DENND2A: variants seen among roughly 807,000 people sequenced by gnomAD.
The protein encoded by DENND2A is DENN domain-containing protein 2A.
In DENND2A, 53 loss-of-function variants were observed where a neutral mutation model predicts 105.3. The observed-to-expected ratio is 0.50, with a 90% CI of 0.40 to 0.63. The LOEUF is 0.63. Ranked by LOEUF, DENND2A falls within the 30% of genes least tolerant of loss-of-function variation. The pLI is 0.00. For missense variants in DENND2A, 1,138 were observed against 1,279.6 expected, an observed-to-expected ratio of 0.89 and a Z score of 1.69; for synonymous variants, 522 against 508.4, an observed-to-expected ratio of 1.03 and a Z score of -0.36.
intron 9 of DENND2A, among the ~76,000 whole-genome samples, chr7:140,563,080 A>T (rs1363079214): frequency 6.6e-6 from 1 of 152,236 alleles, no homozygotes; most frequent in Non-Finnish European, 1.5e-5. Context: ...AATTATAAAG[A>T]AGACCAAAGA....
chr7:140,544,865 G>GGT (rs139394260), intron 13 of DENND2A, 99 bp from the exon 14 acceptor site: 123,525 of 1,509,150 alleles, frequency 0.082, 5,857 homozygotes, highest in Non-Finnish European at 0.095. Flanking sequence ...CCTCATCAGG[G>GGT]GTGACCCACT....
rs767414700 is a variant in DENND2A at position 140,601,471 on chromosome 7, GGAGGGCAGAGGCGGGGGAGGTAGA to G, written c.903_926del (p.Leu302_Ser309del). The G allele has an allele frequency of 1.2e-6, 2 of 1,614,000 alleles. No individual in the cohort carries two copies. Among genetic ancestry groups the G allele is most frequent in the Non-Finnish European group, 1.7e-6 (2 of 1,179,964 alleles). On this transcript the variant is annotated inframe_deletion, in exon 3 of 20. Coordinates refer to ENST00000496613, the MANE Select transcript of DENND2A (RefSeq NM_015689.5). Reference sequence around the variant, plus strand: ...TGTTCACAGAGGAAGGTGGGGGAGAGGAGGGCAGAGGCGGGGGAGGTAGAGAGGGCAGAGGAGGCAGATTTCTTT... The same window carrying G: ...TGTTCACAGAGGAAGGTGGGGGAGAGGAGGGCAGAGGAGGCAGATTTCTTT...
At chr7:140,547,156 C>A (rs1246697271) in intron 12 of DENND2A, among the ~76,000 whole-genome samples, 1 of 152,212 alleles carries the variant, frequency 6.6e-6, no homozygotes, top group Non-Finnish European at 1.5e-5. Flanking sequence ...AATGTTGCAG[C>A]TCCTACTCAG....
intron 18 of DENND2A, 60 bp downstream of exon 18, chr7:140,521,795 G>A: frequency 6.3e-7 from 1 of 1,596,506 alleles, no homozygotes; most frequent in Non-Finnish European, 8.5e-7. Context: ...CTACTCATCA[G>A]CCGCCTGGAA....
chr7:140,583,861 G>A (rs1798655140), intron 5 of DENND2A, among the ~76,000 whole-genome samples: 1 of 148,198 alleles, frequency 6.7e-6, no homozygotes, highest in Non-Finnish European at 1.5e-5. Context: ...GGGAGGTGGA[G>A]CTTGCAGTGA....
chr7:140,609,627 T>A (rs1375336418), intron 1 of DENND2A, among the ~76,000 whole-genome samples: 1 of 152,236 alleles, frequency 6.6e-6, no homozygotes, highest in Non-Finnish European at 1.5e-5. Flanking sequence ...GGCTTGAACA[T>A]TTCTGTAAGT....
intron 14 of DENND2A, among the ~76,000 whole-genome samples, chr7:140,539,103 C>A (rs1585579318): frequency 6.6e-6 from 1 of 152,230 alleles, no homozygotes; most frequent in Admixed American, 6.6e-5. Context: ...GGATGACAGG[C>A]GTGAGCAACT....
At chr7:140,635,951 G>A (rs1013846423) in intron 1 of DENND2A, among the ~76,000 whole-genome samples, 1 of 152,192 alleles carries the variant, frequency 6.6e-6, no homozygotes, top group Non-Finnish European at 1.5e-5. Context: ...TTTTGCATAT[G>A]AAAAGTAGAG....
Position 140,527,817 on chromosome 7 carries a change from A to AT in DENND2A, c.2328-323dup, listed in dbSNP as rs539829097. 0.019 allele frequency among the ~76,000 whole-genome samples: 2,045 copies of AT among 109,818 alleles called. 48 individuals carry two copies. Among genetic ancestry groups the AT allele is most frequent in the African/African-American group, 0.12 (1,912 of 16,580 alleles). The allele number at this position is 109,818 out of a possible 152,430, so 72.0% of individuals were successfully genotyped here. On this transcript the variant is annotated intron_variant, in intron 14 of 19. Transcript: ENST00000496613. The surrounding 1 kb of genome is among the most constrained non-coding windows in gnomAD (Gnocchi z 4.9). ...CTATACTCTTGTAAGGTTTTTATTT[A>AT]TTATTTATTTATTTATTTATATTTT...
chr7:140,545,723 G>A (rs913416271), intron 13 of DENND2A, among the ~76,000 whole-genome samples: 2 of 152,156 alleles, frequency 1.3e-5, no homozygotes, highest in African/African-American at 4.8e-5. Flanking sequence ...ATTCCCTCAA[G>A]TTGGTACCCA....
At chr7:140,560,013 G>A (rs1045900359) in intron 9 of DENND2A, among the ~76,000 whole-genome samples, 196 bp from the exon 10 acceptor site, 1 of 152,080 alleles carries the variant, frequency 6.6e-6, no homozygotes, top group Admixed American at 6.6e-5. Flanking sequence ...AGACCTCTGG[G>A]AGAAGTTGGG....
At chr7:140,525,992 T>C (rs1796041008) in intron 15 of DENND2A, among the ~76,000 whole-genome samples, 200 bp from the exon 16 acceptor site, 1 of 152,162 alleles carries the variant, frequency 6.6e-6, no homozygotes, top group South Asian at 2.1e-4. Flanking sequence ...CTGAGCTGCA[T>C]GCTTTCAACA....
At chr7:140,526,828 G>A (rs1796071679) in intron 15 of DENND2A, among the ~76,000 whole-genome samples, 1 of 152,140 alleles carries the variant, frequency 6.6e-6, no homozygotes, top group Admixed American at 6.6e-5. Context: ...AGTCCTCCGG[G>A]TCAAAACCAT....
chr7:140,584,717 A>G (rs1435344919), intron 5 of DENND2A, among the ~76,000 whole-genome samples: 1 of 152,168 alleles, frequency 6.6e-6, no homozygotes, highest in East Asian at 1.9e-4. Context: ...TCAGTTACTC[A>G]TGCTTGGGTA....
chr7:140,537,727 C>T (rs1467281755), intron 14 of DENND2A, among the ~76,000 whole-genome samples: 1 of 152,206 alleles, frequency 6.6e-6, no homozygotes, highest in East Asian at 1.9e-4. Context: ...TGGTCTCAAA[C>T]TCCTGGGCTC....
intron 5 of DENND2A, among the ~76,000 whole-genome samples, chr7:140,583,101 C>T (rs909821790): frequency 2.0e-5 from 3 of 150,932 alleles, no homozygotes; most frequent in East Asian, 3.9e-4. Context: ...ACCATCCTGG[C>T]TAACACGGTG....
At position 140,604,263 on chromosome 7, in the gene DENND2A, C is replaced by T. The variant is rs797000089; in HGVS notation, c.-146+1442G>A. Among the ~76,000 whole-genome samples, 8 of 152,358 alleles carry T rather than the reference C, an allele frequency of 5.3e-5. 1 individual carries two copies. Among genetic ancestry groups the T allele is most frequent in the African/African-American group, 1.9e-4 (8 of 41,590 alleles). On this transcript the variant is annotated intron_variant, in intron 2 of 19. Transcript: ENST00000496613. ...CCCAAGGTTGTTTGTGTAAAGACCTCTTCCTCAGTGGAGACATTAGCACAT... is the reference window on the plus strand; with the variant it reads ...CCCAAGGTTGTTTGTGTAAAGACCTTTTCCTCAGTGGAGACATTAGCACAT...
chr7:140,569,722 T>C lies in DENND2A; in HGVS notation c.1463A>G (p.Asn488Ser), dbSNP rs1341970091. The stretch of plus-strand genomic sequence containing the variant: ...TCCTCTCCGGACCTCATAAATGGCG[T>C]TGATTCGCAACACCAGCTGCCAGAC... Reference protein sequence around the residue: ...RKIPKLVLRINAIYEVRRGKK... With the variant: ...RKIPKLVLRISAIYEVRRGKK... The change falls in exon 7 of 20, where the codon AAC becomes AGC. Residue 488 changes from asparagine (N) to serine (S), a missense_variant. Physicochemically the swap from Asn to Ser is conservative, Grantham distance 46. Around this residue, in one of 2 missense-constraint regions of DENND2A, gnomAD observed 627 missense variants for 779.8 expected, o/e 0.80. Transcript: ENST00000496613. The C allele has an allele frequency of 1.9e-6, 3 of 1,613,276 alleles. No individual in the cohort carries two copies. Among genetic ancestry groups the C allele is most frequent in the Non-Finnish European group, 2.5e-6 (3 of 1,179,434 alleles).
intron 3 of DENND2A, among the ~76,000 whole-genome samples, chr7:140,595,169 G>A (rs1318149877): frequency 6.6e-6 from 1 of 152,012 alleles, no homozygotes; most frequent in East Asian, 1.9e-4. Flanking sequence ...ACCATGCCTG[G>A]CTAATTTTTG....
Sources: allele counts gnomAD v4.1 joint callset (sites outside exome capture counted in the v4.1 genomes callset), GRCh38; gene constraint gnomAD v4.1.1; regional missense constraint gnomAD v4.1.1; non-coding constraint Gnocchi (gnomAD v3.1); transcripts MANE v1.5; gene names NCBI Gene and HGNC (gene_info 2026-07-23, HGNC 2026-07-21).